The following OPCML variants were observed in gnomAD, a reference collection of about 807,000 sequenced individuals.
The protein encoded by OPCML is opioid binding protein/cell adhesion molecule like.
In OPCML, 13 loss-of-function variants were observed where a neutral mutation model predicts 37.8. That is an observed-to-expected ratio of 0.34 (90% CI 0.22 to 0.55). The LOEUF is 0.55. Ranked by LOEUF, OPCML falls within the 20% of genes least tolerant of loss-of-function variation. OPCML has a pLI of 0.91. For synonymous variants in OPCML, 176 were observed against 168.8 expected (o/e 1.04, Z -0.33); for missense variants, 341 against 435.6 (o/e 0.78, Z 1.93).
chr11:133,189,978 G>T (rs1035787667), intron 1 of OPCML, among the ~76,000 whole-genome samples: 5 of 152,210 alleles, frequency 3.3e-5, no homozygotes, highest in African/African-American at 1.2e-4. Flanking sequence ...TCCCTGGCGG[G>T]ACCTGGTTAC....
rs1268270962 is a variant in OPCML, at chr11:132,943,989, C to G, written c.62-979G>C. Among the ~76,000 whole-genome samples, 2 of 151,870 alleles carry G rather than the reference C, an allele frequency of 1.3e-5. No homozygotes were observed. The highest frequency in any genetic ancestry group is 4.1e-4 in the South Asian group (2 of 4,836). ...CCGCCACTTTCTCCCGGTGCCGCCT[C>G]GGAGCGAGCGGGCTGGCGGGCGGCG... On this transcript the variant is annotated intron_variant, in intron 1 of 7. Transcript: ENST00000524381. The surrounding 1 kb of genome is among the most constrained non-coding windows in gnomAD (Gnocchi z 4.3).
At chr11:133,108,786 C>T (rs925923452) in intron 1 of OPCML, among the ~76,000 whole-genome samples, 1 of 140,990 alleles carries the variant, frequency 7.1e-6, no homozygotes. Flanking sequence ...CCAAAGACAG[C>T]GCTTTGCAAA....
intron 1 of OPCML, among the ~76,000 whole-genome samples, chr11:133,181,124 G>A (rs376686788): frequency 6.6e-6 from 1 of 152,166 alleles, no homozygotes; most frequent in Non-Finnish European, 1.5e-5. Flanking sequence ...GGGAGAACAC[G>A]TTAGTGGTTG....
intron 1 of OPCML, among the ~76,000 whole-genome samples, chr11:133,450,402 T>A (rs1192815062): frequency 6.6e-6 from 1 of 151,518 alleles, no homozygotes; most frequent in East Asian, 1.9e-4. Flanking sequence ...ATCCATTTTT[T>A]TTTTTAAGAT....
chr11:132,834,579 T>C (rs1057273339), intron 2 of OPCML, among the ~76,000 whole-genome samples: 3 of 152,212 alleles, frequency 2.0e-5, no homozygotes, highest in African/African-American at 7.2e-5. Flanking sequence ...ACAGTTCTAA[T>C]ATCTGCCTCT....
intron 2 of OPCML, among the ~76,000 whole-genome samples, chr11:132,935,885 C>A (rs1025232439): frequency 1.3e-5 from 2 of 152,200 alleles, no homozygotes; most frequent in African/African-American, 4.8e-5. Context: ...AAGTGACCGG[C>A]TCACGTTGTC....
intron 1 of OPCML, among the ~76,000 whole-genome samples, chr11:133,445,827 A>T (rs954910547): frequency 3.3e-5 from 5 of 152,286 alleles, no homozygotes; most frequent in African/African-American, 1.2e-4. Context: ...GAAAAGTGAG[A>T]AACAAGCAGG....
intron 2 of OPCML, among the ~76,000 whole-genome samples, chr11:132,914,716 C>T (rs556919839): frequency 6.6e-6 from 1 of 152,330 alleles, no homozygotes; most frequent in South Asian, 2.1e-4. Flanking sequence ...CAACCCATAG[C>T]AGCCACTGAG....
chr11:132,925,189 A>T (rs1236462225), intron 2 of OPCML, among the ~76,000 whole-genome samples: 1 of 152,078 alleles, frequency 6.6e-6, no homozygotes, highest in African/African-American at 2.4e-5. Context: ...ATTTTTTCCC[A>T]ATATTCCTTT....
chr11:133,203,567 A>C (rs1938894661), intron 1 of OPCML, among the ~76,000 whole-genome samples: 1 of 152,168 alleles, frequency 6.6e-6, no homozygotes, highest in African/African-American at 2.4e-5. Flanking sequence ...AGTTATCTGT[A>C]TAAAGAGGTA....
intron 1 of OPCML, among the ~76,000 whole-genome samples, chr11:133,374,404 T>C (rs1944751789): frequency 6.6e-6 from 1 of 152,338 alleles, no homozygotes; most frequent in East Asian, 1.9e-4. Context: ...ATCTTCACTA[T>C]ATTGGTTGTG....
chr11:132,695,830 G>C (rs572177101), intron 2 of OPCML, among the ~76,000 whole-genome samples: 6 of 152,330 alleles, frequency 3.9e-5, no homozygotes, highest in Admixed American at 1.3e-4. Context: ...TAGAAGTATG[G>C]AGAAAGATGA....
chr11:132,421,336 AAAGGAGACAGTAC>A (rs1374723035), intron 7 of OPCML, among the ~76,000 whole-genome samples: 33 of 152,198 alleles, frequency 2.2e-4, no homozygotes, highest in African/African-American at 7.7e-4. Context: ...AAGGAGATTC[AAAGGAGACAGTAC>A]ACCTCTTCTA....
Position 132,560,890 on chromosome 11 carries a change from C to A in OPCML, c.380-31704G>T, listed in dbSNP as rs575670624. On this transcript the variant is annotated intron_variant, in intron 3 of 7. Coordinates refer to ENST00000524381, the MANE Select transcript of OPCML (RefSeq NM_001012393.5). The stretch of plus-strand genomic sequence containing the variant: ...TGTCTGTTAACTTTGCTGATTATTT[C>A]TTTTGCTGTGCAGAAGCTGTTGCGT... Among the ~76,000 whole-genome samples the A allele has an allele frequency of 5.0e-4, 76 of 152,234 alleles. 1 individual carries two copies. The highest frequency in any genetic ancestry group is 1.8e-3 in the African/African-American group (73 of 41,544).
In OPCML at chr11:132,998,685, T is replaced by C. The variant is rs183049649; in HGVS notation, c.62-55675A>G. On this transcript the variant is annotated intron_variant, in intron 1 of 7. Transcript: ENST00000524381. ...TGACCCCCAAGGTGAAGGTGGGGGCTCTTGGGAGGTGATTAGGTCATGAGG... is the reference window on the plus strand; with the variant it reads ...TGACCCCCAAGGTGAAGGTGGGGGCCCTTGGGAGGTGATTAGGTCATGAGG... Among the ~76,000 whole-genome samples the C allele has an allele frequency of 1.8e-4, 28 of 152,274 alleles. No homozygotes were observed. In the East Asian group the frequency reaches 3.3e-3, roughly 18 times the overall value.
intron 1 of OPCML, among the ~76,000 whole-genome samples, chr11:133,079,666 C>T (rs1948678157): frequency 6.6e-6 from 1 of 152,014 alleles, no homozygotes; most frequent in Non-Finnish European, 1.5e-5. Context: ...CTTGCACCAG[C>T]TCACCGTGTG....
At chr11:132,772,539 G>C (rs1946674413) in intron 2 of OPCML, 1 of 152,196 alleles carries the variant, frequency 6.6e-6, no homozygotes, top group Admixed American at 6.5e-5. Context: ...ATTCCTCCAG[G>C]ACATCACAGT....
chr11:132,766,281 G>A (rs147722265), intron 2 of OPCML, among the ~76,000 whole-genome samples: 1 of 152,126 alleles, frequency 6.6e-6, no homozygotes, highest in Non-Finnish European at 1.5e-5. Flanking sequence ...ATTCAATGAA[G>A]GAAAGTTATT....
intron 1 of OPCML, among the ~76,000 whole-genome samples, chr11:132,999,542 A>G (rs988078976): frequency 2.7e-5 from 4 of 147,996 alleles, no homozygotes; most frequent in Non-Finnish European, 3.0e-5. Context: ...AAAGAGTCAC[A>G]GCTCTGCTCC....
Sources: allele counts gnomAD v4.1 joint callset (sites outside exome capture counted in the v4.1 genomes callset), GRCh38; gene constraint gnomAD v4.1.1; non-coding constraint Gnocchi (gnomAD v3.1); transcripts MANE v1.5; gene names NCBI Gene and HGNC (gene_info 2026-07-23, HGNC 2026-07-21).